The following FAT4 variants were observed in gnomAD, a reference collection of about 807,000 sequenced individuals.
FAT4 encodes the protein protocadherin Fat 4.
Under a neutral mutation model 303.9 loss-of-function variants are expected in FAT4, and 84 were observed. The ratio of observed to expected loss-of-function variants is 0.28; its 90% CI spans 0.23 to 0.33. The LOEUF (loss-of-function observed/expected upper bound fraction) is 0.33, where lower values mean the gene tolerates loss of function less well. Ranked by LOEUF, FAT4 falls within the 10% of genes least tolerant of loss-of-function variation. FAT4 has a pLI of 1.00. For synonymous variants in FAT4, 2,307 were observed against 2,298.8 expected, an observed-to-expected ratio of 1.00 and a Z score of -0.10; for missense variants, 6,005 against 6,146.8, an observed-to-expected ratio of 0.98 and a Z score of 0.77.
Position 125,319,399 on chromosome 4 carries a change from T to C in FAT4, c.2988T>C (p.Phe996=), listed in dbSNP as rs886219295. Reference sequence around the variant, plus strand: ...ATGTAAATGACAATTCACCAGTGTTTGACCAACTCTCTTATGAAGTCACCC... The same window carrying C: ...ATGTAAATGACAATTCACCAGTGTTCGACCAACTCTCTTATGAAGTCACCC... ...VHDVNDNSPV[F]DQLSYEVTLS... is the part of the protein sequence containing the mutation. Residue 996 remains phenylalanine, a synonymous_variant, in exon 2 of 18, where the codon TTT becomes TTC. Coordinates refer to ENST00000394329, the MANE Select transcript of FAT4 (RefSeq NM_001291303.3). 1 of 1,613,526 alleles carries C rather than the reference T, an allele frequency of 6.2e-7. No homozygotes were observed. The highest frequency in any genetic ancestry group is 2.2e-5 in the East Asian group (1 of 44,880).
intron 10 of FAT4, among the ~76,000 whole-genome samples, chr4:125,462,335 A>G (rs1297083463): frequency 1.3e-5 from 2 of 151,978 alleles, no homozygotes; most frequent in African/African-American, 4.8e-5. Flanking sequence ...AATGCATATC[A>G]TTTCCTGAGC....
chr4:125,387,583 C>A (rs1733803068), intron 2 of FAT4, among the ~76,000 whole-genome samples: 1 of 152,142 alleles, frequency 6.6e-6, no homozygotes, highest in African/African-American at 2.4e-5. Context: ...CACCACTCCT[C>A]TAATCTTTGG....
At position 125,412,033 on chromosome 4, in the gene FAT4, T is replaced by C. The variant is rs1258976673; in HGVS notation, c.5921-2851T>C. ...GCCCACTAAATTTAAATTGCAACACTTATGGCTAAAGCTTAGAATTCAAAA... is the reference window on the plus strand; with the variant it reads ...GCCCACTAAATTTAAATTGCAACACCTATGGCTAAAGCTTAGAATTCAAAA... On this transcript the variant is annotated intron_variant, in intron 5 of 17. Transcript: ENST00000394329. 2.6e-5 allele frequency among the ~76,000 whole-genome samples: 4 copies of C among 151,720 alleles called. No individual in the cohort carries two copies. The East Asian group carries it at 7.7e-4, about 29-fold the overall frequency.
intron 2 of FAT4, among the ~76,000 whole-genome samples, chr4:125,371,344 A>G (rs897139000): frequency 1.3e-5 from 2 of 151,862 alleles, no homozygotes; most frequent in Non-Finnish European, 1.5e-5. Flanking sequence ...TACAAATAAT[A>G]TTATACTGTG....
At chr4:125,458,168 G>A (rs544937800) in intron 10 of FAT4, among the ~76,000 whole-genome samples, 3 of 151,992 alleles carry the variant, frequency 2.0e-5, no homozygotes, top group African/African-American at 2.4e-5. Flanking sequence ...GAATAATGCC[G>A]GGGGTTTATT....
intron 2 of FAT4, among the ~76,000 whole-genome samples, chr4:125,379,554 G>A (rs1020432387): frequency 1.3e-5 from 2 of 151,842 alleles, no homozygotes; most frequent in Non-Finnish European, 2.9e-5. Context: ...TGGCCTCCTG[G>A]CTTCAAGCAA....
chr4:125,431,840 C>T (rs1336922293), intron 7 of FAT4, among the ~76,000 whole-genome samples: 1 of 140,052 alleles, frequency 7.1e-6, no homozygotes, highest in Non-Finnish European at 1.6e-5. Context: ...CAAATGCACA[C>T]ATATTCCCTA....
intron 7 of FAT4, among the ~76,000 whole-genome samples, chr4:125,417,625 CATT>C (rs1445361925): frequency 6.6e-6 from 1 of 152,092 alleles, no homozygotes; most frequent in African/African-American, 2.4e-5. Context: ...TTATCAGTAA[CATT>C]ATGATATGTG....
Position 125,490,455 on chromosome 4 carries a change from GAGA to G in FAT4, c.13647_13649del (p.Lys4551del), listed in dbSNP as rs1560639673. On this transcript the variant is annotated inframe_deletion, in exon 18 of 18. Transcript: ENST00000394329. ...TCCCAAAGAGGAGAAGAAACCGAAGGAGAAGAAGAAAAAGGGAAGTGAGAACGT... is the reference window on the plus strand; with the variant it reads ...TCCCAAAGAGGAGAAGAAACCGAAGGAGAAGAAAAAGGGAAGTGAGAACGT... 2 of 1,614,098 alleles carry G rather than the reference GAGA, an allele frequency of 1.2e-6. No individual in the cohort carries two copies. Among genetic ancestry groups the G allele is most frequent in the Admixed American group, 1.7e-5 (1 of 60,014 alleles).
chr4:125,339,083 C>G (rs1486325631), intron 2 of FAT4, among the ~76,000 whole-genome samples: 2 of 152,040 alleles, frequency 1.3e-5, no homozygotes, highest in Non-Finnish European at 2.9e-5. Context: ...TAAGATGCCC[C>G]GATGTATGTT....
intron 2 of FAT4, among the ~76,000 whole-genome samples, chr4:125,347,211 AATATATAATATATGGC>A (rs1732038173): frequency 6.6e-6 from 1 of 150,500 alleles, no homozygotes; most frequent in African/African-American, 2.4e-5. Flanking sequence ...ATATTATCAT[AATATATAATATATGGC>A]ATATATTATG....
intron 8 of FAT4, among the ~76,000 whole-genome samples, chr4:125,442,980 A>G (rs956214931): frequency 1.3e-5 from 2 of 152,184 alleles, no homozygotes; most frequent in African/African-American, 2.4e-5. Context: ...CACTTTACAG[A>G]TAAAGAAAGA....
At chr4:125,457,118 C>G (rs1376811914) in intron 10 of FAT4, among the ~76,000 whole-genome samples, 1 of 124,360 alleles carries the variant, frequency 8.0e-6, no homozygotes, top group Non-Finnish European at 1.6e-5. Flanking sequence ...CCCAGTTTCT[C>G]TCATACACAC....
chr4:125,349,226 A>G (rs905863706), intron 2 of FAT4, among the ~76,000 whole-genome samples: 1 of 151,828 alleles, frequency 6.6e-6, no homozygotes, highest in Non-Finnish European at 1.5e-5. Context: ...GTATATTAAA[A>G]CAATGGCTAA....
chr4:125,487,708 A>C, intron 17 of FAT4, 102 bp downstream of exon 17: 45 of 1,157,486 alleles, frequency 3.9e-5, no homozygotes, highest in Non-Finnish European at 4.7e-5. Flanking sequence ...CATGAATCTC[A>C]TATACAGAAC....
chr4:125,370,344 A>G (rs998874313), intron 2 of FAT4, among the ~76,000 whole-genome samples: 1 of 152,202 alleles, frequency 6.6e-6, no homozygotes, highest in Non-Finnish European at 1.5e-5. Flanking sequence ...AATTTCCAGA[A>G]TGAATGTGAG....
chr4:125,368,742 A>T (rs1300221583), intron 2 of FAT4, among the ~76,000 whole-genome samples: 4 of 149,062 alleles, frequency 2.7e-5, no homozygotes, highest in African/African-American at 7.4e-5. Context: ...TTTTTTTTTG[A>T]GAGAGAGAGA....
At position 125,398,410 on chromosome 4, in the gene FAT4, C is replaced by T. The variant is rs146862479; in HGVS notation, c.5176-374C>T. Among the ~76,000 whole-genome samples the T allele has an allele frequency of 2.4e-3, 369 of 152,184 alleles. 4 individuals are homozygous for T. The highest frequency in any genetic ancestry group is 8.0e-3 in the Admixed American group (122 of 15,256). On this transcript the variant is annotated intron_variant, in intron 2 of 17. Coordinates refer to ENST00000394329, the MANE Select transcript of FAT4 (RefSeq NM_001291303.3). ...ATTTCAGCAAGAAATTTTATACCACCTCCTCTGTTTGTCAGGCAGCATTTA... is the reference window on the plus strand; with the variant it reads ...ATTTCAGCAAGAAATTTTATACCACTTCCTCTGTTTGTCAGGCAGCATTTA...
chr4:125,402,749 C>T (rs967969740), intron 3 of FAT4, among the ~76,000 whole-genome samples: 2 of 152,018 alleles, frequency 1.3e-5, no homozygotes, highest in Non-Finnish European at 2.9e-5. Flanking sequence ...TAATCCCCCA[C>T]TGTGTCAGCT....
Sources: gnomAD v4.1 joint callset for allele counts (sites outside exome capture counted in the v4.1 genomes callset) on GRCh38, gnomAD v4.1.1 for gene constraint, MANE v1.5 for transcripts, NCBI Gene and HGNC (gene_info 2026-07-23, HGNC 2026-07-21) for gene names.